The following DMD variants were observed in gnomAD, a reference collection of about 807,000 sequenced individuals.
DMD encodes mutant dystrophin.
A neutral mutation model predicts 330.1 loss-of-function variants in DMD; 63 were observed. The observed-to-expected ratio is 0.19, with a 90% CI of 0.16 to 0.24. The LOEUF is 0.24. Ranked by LOEUF, DMD falls within the 10% of genes least tolerant of loss-of-function variation. The pLI, the probability that DMD is intolerant of heterozygous loss-of-function variation, is 1.00. For synonymous variants in DMD, 1,223 were observed against 959.8 expected, an observed-to-expected ratio of 1.27 and a Z score of -5.07; for missense variants, 3,344 against 2,684.1, an observed-to-expected ratio of 1.25 and a Z score of -5.43.
chrX:32,270,448 G>T (rs966928419), intron 43 of DMD, among the ~76,000 whole-genome samples: 1 of 111,571 alleles, frequency 9.0e-6, no homozygotes, highest in Non-Finnish European at 1.9e-5. Context: ...AATTAATACT[G>T]TAATAAAATT....
intron 34 of DMD, among the ~76,000 whole-genome samples, chrX:32,365,539 C>T (rs1569559901): frequency 9.0e-6 from 1 of 110,976 alleles, no homozygotes; most frequent in Non-Finnish European, 1.9e-5. Context: ...TAAGAAACTG[C>T]CCTTAGAAAA....
At chrX:32,515,736 G>A (rs763720422) in intron 18 of DMD, among the ~76,000 whole-genome samples, 1 of 111,374 alleles carries the variant, frequency 9.0e-6, no homozygotes, top group Admixed American at 9.5e-5. Flanking sequence ...TATGTGCATA[G>A]GAATCACTCC....
rs771628867 is a variant in DMD at position 33,130,658 on chromosome X, G to T, written c.31+80624C>A. On this transcript the variant is annotated intron_variant, in intron 1 of 78. Coordinates refer to ENST00000357033, the MANE Select transcript of DMD (RefSeq NM_004006.3). The stretch of plus-strand genomic sequence containing the variant: ...CAACCTCTGCCTCCCGGGTTCAAGC[G>T]ATTCTCCTGCCTCAGCCTCCGGAGC... Among the ~76,000 whole-genome samples, 169 of 109,613 alleles carry T rather than the reference G, an allele frequency of 1.5e-3. 1 individual carries two copies. Among genetic ancestry groups the T allele is most frequent in the Non-Finnish European group, 2.7e-3 (140 of 52,740 alleles).
At chrX:31,381,322 A>G in intron 60 of DMD, among the ~76,000 whole-genome samples, 1 of 111,502 alleles carries the variant, frequency 9.0e-6, no homozygotes, top group East Asian at 2.8e-4. Flanking sequence ...AAACAACTTG[A>G]CCTTACTGTT....
intron 44 of DMD, among the ~76,000 whole-genome samples, chrX:32,200,853 T>A (rs1433551577): frequency 9.0e-6 from 1 of 111,731 alleles, no homozygotes; most frequent in Non-Finnish European, 1.9e-5. Context: ...GGGCACTGAA[T>A]TGGACTTTGC....
At chrX:32,193,076 G>A (rs1891819551) in intron 44 of DMD, among the ~76,000 whole-genome samples, 1 of 111,100 alleles carries the variant, frequency 9.0e-6, no homozygotes, top group South Asian at 3.8e-4. Context: ...CACGTGTGTG[G>A]TACTTCATTC....
intron 21 of DMD, among the ~76,000 whole-genome samples, chrX:32,482,156 G>C (rs1301120386): frequency 9.0e-6 from 1 of 111,389 alleles, no homozygotes; most frequent in African/African-American, 3.3e-5. Context: ...TTTACATTAA[G>C]AAATAAGGTT....
chrX:32,865,723 G>A (rs1557099888), intron 2 of DMD, among the ~76,000 whole-genome samples: 2 of 112,341 alleles, frequency 1.8e-5, no homozygotes, highest in East Asian at 5.6e-4. Flanking sequence ...TTCATATTTT[G>A]ACTGACACTT....
chrX:32,951,641 T>G lies in DMD; in HGVS notation c.93+68498A>C, dbSNP rs369545175. Among the ~76,000 whole-genome samples the G allele has an allele frequency of 5.4e-5, 6 of 112,002 alleles. No individual in the cohort carries two copies. In the South Asian group the frequency reaches 2.2e-3, roughly 42 times the overall value. On this transcript the variant is annotated intron_variant, in intron 2 of 78. Transcript: ENST00000357033. ...ACCCCCAGTCCTCAGAAATATACTT[T>G]GGTGAGTTTCCTCTATCCCAAAGCA...
chrX:32,886,430 T>C (rs2084576646), intron 2 of DMD, among the ~76,000 whole-genome samples: 1 of 111,123 alleles, frequency 9.0e-6, no homozygotes, highest in African/African-American at 3.3e-5. Context: ...AAGCCTGTAA[T>C]CCCAGCACTT....
At chrX:33,321,433 A>C (rs1014240417) in intron 1 of DMD, among the ~76,000 whole-genome samples, 2 of 111,458 alleles carry the variant, frequency 1.8e-5, no homozygotes, top group African/African-American at 6.5e-5. Context: ...TTTTTGAAAA[A>C]AAAAATATAT....
At chrX:31,721,728 A>ATCTC (rs1260463375) in intron 52 of DMD, among the ~76,000 whole-genome samples, 1 of 65,313 alleles carries the variant, frequency 1.5e-5, no homozygotes, top group African/African-American at 7.8e-5. Flanking sequence ...CTATATATAT[A>ATCTC]TATATATATA....
At chrX:33,033,427 T>C (rs1602935451) in intron 1 of DMD, among the ~76,000 whole-genome samples, 1 of 108,396 alleles carries the variant, frequency 9.2e-6, no homozygotes, top group East Asian at 2.9e-4. Flanking sequence ...TAAGTAACTT[T>C]TGGCCAGGCG....
intron 44 of DMD, among the ~76,000 whole-genome samples, chrX:32,010,076 AT>A (rs202226053): frequency 5.5e-5 from 6 of 109,338 alleles, no homozygotes; most frequent in East Asian, 2.9e-4. Context: ...GTGAGGACAA[AT>A]TTTTTTTTTC....
At chrX:32,279,534 T>C (rs1306096016) in intron 43 of DMD, among the ~76,000 whole-genome samples, 2 of 110,666 alleles carry the variant, frequency 1.8e-5, no homozygotes, top group African/African-American at 3.3e-5. Context: ...CTGGAGGTCA[T>C]TGTGTTAAAT....
chrX:32,616,532 G>A (rs2057578298), intron 11 of DMD, among the ~76,000 whole-genome samples: 1 of 109,914 alleles, frequency 9.1e-6, no homozygotes, highest in African/African-American at 3.3e-5. Context: ...TCTCTTAGTT[G>A]GCTTCTTTGA....
intron 74 of DMD, among the ~76,000 whole-genome samples, chrX:31,165,842 T>C (rs886229638): frequency 8.1e-5 from 9 of 111,779 alleles, no homozygotes; most frequent in African/African-American, 2.9e-4. Flanking sequence ...GGAGGCACTA[T>C]GGGAAAAACT....
At chrX:31,535,572 G>T (rs1422498127) in intron 55 of DMD, among the ~76,000 whole-genome samples, 1 of 105,428 alleles carries the variant, frequency 9.5e-6, no homozygotes, top group African/African-American at 3.5e-5. Flanking sequence ...CAGGACATAG[G>T]CGTGGGCAAG....
At chrX:31,335,476 A>G (rs1376125577) in intron 61 of DMD, among the ~76,000 whole-genome samples, 1 of 112,076 alleles carries the variant, frequency 8.9e-6, no homozygotes, top group African/African-American at 3.2e-5. Flanking sequence ...ACACTCCAAC[A>G]TATTTCCTTT....
Sources: allele counts gnomAD v4.1 joint callset (sites outside exome capture counted in the v4.1 genomes callset), GRCh38; gene constraint gnomAD v4.1.1; transcripts MANE v1.5; gene names NCBI Gene and HGNC (gene_info 2026-07-23, HGNC 2026-07-21).